TRPC5: variants seen among roughly 807,000 people sequenced by gnomAD.
TRPC5 encodes the protein transient receptor potential cation channel subfamily C member 5.
In TRPC5, 9 loss-of-function variants were observed where a neutral mutation model predicts 56.5. That is an observed-to-expected ratio of 0.16 (90% confidence interval 0.10 to 0.28). TRPC5 has a LOEUF of 0.28. Ranked by LOEUF, TRPC5 falls within the 10% of genes least tolerant of loss-of-function variation. The pLI is 1.00. For synonymous variants in TRPC5, 282 were observed against 278.5 expected (o/e 1.01, Z -0.13); for missense variants, 469 against 748.9 (o/e 0.63, Z 4.36).
At chrX:111,846,049 G>A (rs772226182) in intron 6 of TRPC5, among the ~76,000 whole-genome samples, 11 of 111,862 alleles carry the variant, frequency 9.8e-5, no homozygotes, top group Non-Finnish European at 1.9e-4. Context: ...CAGCTAGATA[G>A]CACTGTTTTG....
rs184877422 is a variant in TRPC5 at position 111,998,109 on chromosome X, T to G, written c.-21-45668A>C. On this transcript the variant is annotated intron_variant, in intron 1 of 10. Transcript: ENST00000262839. ...AGAATTTTCAGCTTTTCTGCTCTGG[T>G]CTCTCCCCATCTTTGTGGTTTTATC... Among the ~76,000 whole-genome samples, 915 of 111,484 alleles carry G rather than the reference T, an allele frequency of 8.2e-3. 9 individuals are homozygous for G. Among genetic ancestry groups the G allele is most frequent in the African/African-American group, 0.028 (849 of 30,661 alleles).
chrX:111,824,822 G>A (rs770297016), intron 7 of TRPC5, among the ~76,000 whole-genome samples: 19 of 111,934 alleles, frequency 1.7e-4, no homozygotes, highest in African/African-American at 6.2e-4. Flanking sequence ...TAGTTTCCTG[G>A]GGAATAAAGT....
Position 111,834,859 on chromosome X carries a change from T to C in TRPC5, c.1896+62A>G, listed in dbSNP as rs1922517338. 6.6e-6 allele frequency: 6 copies of C among 903,066 alleles called. No individual in the cohort carries two copies. The East Asian group carries it at 1.6e-4, about 24-fold the overall frequency. The allele number at this position is 903,066 out of a possible 1,213,427, so 74.4% of individuals were successfully genotyped here. A position where few individuals can be genotyped will look rare whatever the true frequency, so the allele number is the denominator to read the frequency against. On this transcript the variant is annotated intron_variant, in intron 7 of 10. Transcript: ENST00000262839. Reference sequence around the variant, plus strand: ...CTTTCATTGAGCTTCTAATGAACTCTATGCCGATGTTGCCCCAACCTGAAA... The same window carrying C: ...CTTTCATTGAGCTTCTAATGAACTCCATGCCGATGTTGCCCCAACCTGAAA...
intron 2 of TRPC5, among the ~76,000 whole-genome samples, chrX:111,916,517 A>G (rs1925980852): frequency 8.9e-6 from 1 of 112,045 alleles, no homozygotes; most frequent in Admixed American, 9.5e-5. Context: ...AAAGGAAGAG[A>G]AAGTTCTATA....
intron 3 of TRPC5, among the ~76,000 whole-genome samples, chrX:111,884,715 A>C (rs896622864): frequency 6.2e-5 from 7 of 113,269 alleles, no homozygotes; most frequent in Middle Eastern, 9.2e-3. Context: ...GTTAAAGACT[A>C]GCAAGGGCCA....
chrX:111,864,469 C>T (rs1226083091), intron 3 of TRPC5, among the ~76,000 whole-genome samples: 1 of 112,178 alleles, frequency 8.9e-6, no homozygotes, highest in Non-Finnish European at 1.9e-5. Flanking sequence ...CACATGAAGA[C>T]CAGTCCTGGG....
At chrX:111,966,446 C>T (rs187749417) in intron 1 of TRPC5, among the ~76,000 whole-genome samples, 3 of 110,345 alleles carry the variant, frequency 2.7e-5, no homozygotes, top group East Asian at 5.7e-4. Context: ...ACCAATCAAT[C>T]GAAAAAGAGG....
Position 111,775,136 on chromosome X carries a change from G to A in TRPC5, c.*1177C>T, listed in dbSNP as rs1368611649. 3.6e-5 allele frequency: 4 copies of A among 111,690 alleles called. No homozygotes were observed. Among genetic ancestry groups the A allele is most frequent in the Non-Finnish European group, 7.5e-5 (4 of 53,106 alleles). 9.2% of individuals were successfully genotyped at this position (111,690 alleles called of 1,213,427 possible). A position where few individuals can be genotyped will look rare whatever the true frequency, so the allele number is the denominator to read the frequency against. ...TGGAAGACAGTAGAATTTGGATCAC[G>A]TTTATAATTCCATGAATCCACTAGG... is the stretch of plus-strand genomic sequence containing the variant. On this transcript the variant is annotated 3_prime_UTR_variant, in exon 11 of 11. Coordinates refer to ENST00000262839, the MANE Select transcript of TRPC5 (RefSeq NM_012471.3).
intron 2 of TRPC5, among the ~76,000 whole-genome samples, chrX:111,949,380 C>T (rs180852638): frequency 5.4e-5 from 6 of 111,951 alleles, no homozygotes; most frequent in African/African-American, 1.3e-4. Flanking sequence ...GCAAAAGGAA[C>T]AGGCAGCAGA....
intron 6 of TRPC5, among the ~76,000 whole-genome samples, chrX:111,839,668 G>A (rs939100432): frequency 1.8e-5 from 2 of 111,171 alleles, no homozygotes; most frequent in South Asian, 3.8e-4. Flanking sequence ...TATGTATAAC[G>A]TAAGCACATA....
chrX:112,009,337 T>G (rs918112790), intron 1 of TRPC5, among the ~76,000 whole-genome samples: 1 of 111,597 alleles, frequency 9.0e-6, no homozygotes, highest in African/African-American at 3.3e-5. Context: ...AATATTTTCA[T>G]AAAATCCCTT....
intron 1 of TRPC5, among the ~76,000 whole-genome samples, chrX:112,075,849 T>A (rs1930822955): frequency 8.9e-6 from 1 of 111,932 alleles, no homozygotes; most frequent in Non-Finnish European, 1.9e-5. Context: ...TTCAGTTTTG[T>A]AACATCAAGG....
intron 2 of TRPC5, among the ~76,000 whole-genome samples, chrX:111,915,051 C>T (rs1044621471): frequency 1.1e-5 from 1 of 89,727 alleles, no homozygotes; most frequent in Non-Finnish European, 2.0e-5. Context: ...TTCCTCTTTC[C>T]TCGCTCTCTT....
At chrX:111,787,143 C>T (rs753243055) in intron 7 of TRPC5, among the ~76,000 whole-genome samples, 144 of 111,744 alleles carry the variant, frequency 1.3e-3, no homozygotes, top group Non-Finnish European at 2.2e-3. Context: ...TAAAATTGAC[C>T]ACATAATTGG....
intron 1 of TRPC5, among the ~76,000 whole-genome samples, chrX:111,990,871 C>T (rs1238779051): frequency 8.9e-6 from 1 of 112,115 alleles, no homozygotes; most frequent in Non-Finnish European, 1.9e-5. Flanking sequence ...GTTTTCTCTG[C>T]AGAAATTCCT....
intron 6 of TRPC5, among the ~76,000 whole-genome samples, chrX:111,843,204 T>C (rs1447707412): frequency 1.8e-5 from 2 of 112,688 alleles, no homozygotes; most frequent in Admixed American, 1.9e-4. Flanking sequence ...TTCACTCAAT[T>C]GTTCAGTAGC....
At chrX:112,009,294 T>C (rs1300492187) in intron 1 of TRPC5, among the ~76,000 whole-genome samples, 1 of 111,685 alleles carries the variant, frequency 9.0e-6, no homozygotes, top group African/African-American at 3.3e-5. Context: ...GTAGTCTTAT[T>C]TCCTCCTGTA....
chrX:111,789,622 A>G (rs1265465535), intron 7 of TRPC5, among the ~76,000 whole-genome samples: 2 of 112,409 alleles, frequency 1.8e-5, no homozygotes, highest in African/African-American at 6.5e-5. Flanking sequence ...ATCAGAGAGA[A>G]CAGGCATCCT....
chrX:111,802,404 A>G (rs928981947), intron 7 of TRPC5, among the ~76,000 whole-genome samples: 4 of 111,690 alleles, frequency 3.6e-5, no homozygotes, highest in African/African-American at 1.3e-4. Context: ...ATGCAAAAGC[A>G]AATTATATTT....
Sources: gnomAD v4.1 joint callset for allele counts (sites outside exome capture counted in the v4.1 genomes callset) on GRCh38, gnomAD v4.1.1 for gene constraint, MANE v1.5 for transcripts, NCBI Gene and HGNC (gene_info 2026-07-23, HGNC 2026-07-21) for gene names.